The following ADGRL3 variants were observed in gnomAD, a reference collection of about 807,000 sequenced individuals.
The protein encoded by ADGRL3 is adhesion G protein-coupled receptor L3, also known as calcium-independent alpha-latrotoxin receptor 3.
Under a neutral mutation model 153.5 loss-of-function variants are expected in ADGRL3, and 62 were observed. The ratio of observed to expected loss-of-function variants is 0.40; its 90% CI spans 0.33 to 0.50. ADGRL3 has a LOEUF of 0.50. Among genes scored for constraint, ADGRL3 ranks in the 20% least tolerant of loss-of-function variants. The pLI is 0.47. For synonymous variants in ADGRL3, 710 were observed against 672.5 expected (o/e 1.06, Z -0.86); for missense variants, 1,641 against 1,859.4 (o/e 0.88, Z 2.16).
At chr4:61,510,960 C>T (rs748217692) in intron 3 of ADGRL3, among the ~76,000 whole-genome samples, 23 of 152,068 alleles carry the variant, frequency 1.5e-4, no homozygotes, top group Non-Finnish European at 2.1e-4. Flanking sequence ...TTGTAGTTCT[C>T]CTCGTAGAGA....
intron 2 of ADGRL3, among the ~76,000 whole-genome samples, chr4:61,475,960 T>C (rs2098042922): frequency 6.6e-6 from 1 of 152,114 alleles, no homozygotes; most frequent in African/African-American, 2.4e-5. Context: ...ATAAATCAAC[T>C]CAAAAAATGT....
intron 4 of ADGRL3, among the ~76,000 whole-genome samples, chr4:61,565,378 C>A (rs76118950): frequency 0.18 from 27,502 of 151,954 alleles, 2,817 homozygotes; most frequent in Non-Finnish European, 0.23. Context: ...ACTTGAAATT[C>A]ATATTTAATG....
At chr4:61,968,711 A>C (rs551022812) in intron 17 of ADGRL3, among the ~76,000 whole-genome samples, 1 of 152,298 alleles carries the variant, frequency 6.6e-6, no homozygotes, top group Admixed American at 6.5e-5. Flanking sequence ...ATAGCAAAGA[A>C]AACCACTTAC....
chr4:61,997,147 C>T (rs2099124514), intron 20 of ADGRL3, among the ~76,000 whole-genome samples: 1 of 151,412 alleles, frequency 6.6e-6, no homozygotes, highest in African/African-American at 2.4e-5. Flanking sequence ...ACACAATAAC[C>T]CTAGTGAGGA....
At chr4:61,311,827 T>A (rs1042793116) in intron 1 of ADGRL3, among the ~76,000 whole-genome samples, 1 of 152,138 alleles carries the variant, frequency 6.6e-6, no homozygotes, top group African/African-American at 2.4e-5. Context: ...TTATTATACA[T>A]TTGTCCAGAC....
At chr4:61,373,275 C>G (rs1191726534) in intron 1 of ADGRL3, among the ~76,000 whole-genome samples, 1 of 152,054 alleles carries the variant, frequency 6.6e-6, no homozygotes, top group Non-Finnish European at 1.5e-5. Flanking sequence ...TCTAAAATAT[C>G]TAGTTCATCT....
At chr4:61,662,223 G>T (rs772098324) in intron 5 of ADGRL3, among the ~76,000 whole-genome samples, 220 of 152,314 alleles carry the variant, frequency 1.4e-3, no homozygotes, top group Non-Finnish European at 2.2e-3. Context: ...GCATCCCTGT[G>T]TTCCTGAGGG....
intron 5 of ADGRL3, among the ~76,000 whole-genome samples, chr4:61,652,266 T>C (rs2094287037): frequency 1.3e-5 from 2 of 152,204 alleles, no homozygotes; most frequent in Admixed American, 6.5e-5. Context: ...AGGATTTTGT[T>C]CATATTATTT....
At chr4:61,960,127 C>A (rs2098982397) in intron 17 of ADGRL3, among the ~76,000 whole-genome samples, 1 of 152,036 alleles carries the variant, frequency 6.6e-6, no homozygotes, top group South Asian at 2.1e-4. Flanking sequence ...CTTTTAGAAC[C>A]AAGAATTTTT....
intron 6 of ADGRL3, among the ~76,000 whole-genome samples, chr4:61,707,464 G>A (rs939887496): frequency 6.6e-6 from 1 of 152,106 alleles, no homozygotes; most frequent in Admixed American, 6.5e-5. Context: ...AAAATACAGA[G>A]TGATAATGTT....
chr4:61,945,795 C>T (rs974890886), intron 15 of ADGRL3, among the ~76,000 whole-genome samples: 1 of 151,866 alleles, frequency 6.6e-6, no homozygotes, highest in Non-Finnish European at 1.5e-5. Flanking sequence ...TGCTTCGGCT[C>T]GCGCACGGTG....
At chr4:61,611,239 G>A (rs866521237) in intron 5 of ADGRL3, among the ~76,000 whole-genome samples, 6 of 152,020 alleles carry the variant, frequency 3.9e-5, no homozygotes, top group Non-Finnish European at 7.4e-5. Flanking sequence ...GATGAGATGC[G>A]GAAGAACCCT....
At chr4:61,749,757 C>G (rs531272629) in intron 8 of ADGRL3, among the ~76,000 whole-genome samples, 2 of 151,790 alleles carry the variant, frequency 1.3e-5, no homozygotes, top group Non-Finnish European at 2.9e-5. Context: ...ATACCTAATG[C>G]TAAATGACGA....
At chr4:61,810,857 C>T (rs918233084) in intron 8 of ADGRL3, among the ~76,000 whole-genome samples, 2 of 152,094 alleles carry the variant, frequency 1.3e-5, no homozygotes, top group Non-Finnish European at 2.9e-5. Flanking sequence ...GGCTCAAATT[C>T]TCTGCTTTAT....
intron 1 of ADGRL3, among the ~76,000 whole-genome samples, chr4:61,381,523 G>A (rs1013544797): frequency 1.3e-5 from 2 of 151,914 alleles, no homozygotes; most frequent in African/African-American, 4.8e-5. Flanking sequence ...TGTCAGGGAA[G>A]ATAAGATTGG....
chr4:61,851,346 G>A (rs2098200157), intron 9 of ADGRL3, among the ~76,000 whole-genome samples: 1 of 152,026 alleles, frequency 6.6e-6, no homozygotes, highest in Non-Finnish European at 1.5e-5. Flanking sequence ...CAGCCTTTTA[G>A]GAGACCAAGG....
In ADGRL3 at chr4:61,892,656, A is replaced by G. The variant is rs745917625; in HGVS notation, c.1481A>G (p.Asp494Gly). The G allele has an allele frequency of 6.2e-7, 1 of 1,612,926 alleles. No individual in the cohort carries two copies. The highest frequency in any genetic ancestry group is 2.2e-5 in the East Asian group (1 of 44,862). Residue 494 changes from aspartate (D) to glycine (G), a missense_variant and splice_region_variant, in exon 10 of 27, where the codon GAT becomes GGT. Physicochemically the swap from Asp to Gly is moderately conservative, Grantham distance 94 (BLOSUM62 -1). Coordinates refer to ENST00000683033, the MANE Select transcript of ADGRL3 (RefSeq NM_001387552.1). ...DSELERPSVK[D>G]ISTTGPLGMG... The stretch of plus-strand genomic sequence containing the variant: ...TGTTTTCTTTCTAATTTTATTTCAG[A>G]TATCTCTACCACAGGACCTCTTGGC...
At chr4:61,978,948 T>G (rs2099057801) in intron 17 of ADGRL3, among the ~76,000 whole-genome samples, 1 of 152,218 alleles carries the variant, frequency 6.6e-6, no homozygotes, top group African/African-American at 2.4e-5. Flanking sequence ...ATCCAATGAA[T>G]ATCCTAATTC....
At chr4:61,522,564 G>T (rs142537183) in intron 4 of ADGRL3, among the ~76,000 whole-genome samples, 2,303 of 152,188 alleles carry the variant, frequency 0.015, 53 homozygotes, top group African/African-American at 0.052. Context: ...AGCAGGAAAA[G>T]GGTGGCAAAA....
Sources: gnomAD v4.1 joint callset for allele counts (sites outside exome capture counted in the v4.1 genomes callset) on GRCh38, gnomAD v4.1.1 for gene constraint, MANE v1.5 for transcripts, NCBI Gene and HGNC (gene_info 2026-07-23, HGNC 2026-07-21) for gene names.